ZCRB1: variants seen among roughly 807,000 people sequenced by gnomAD.
ZCRB1 encodes the protein zinc finger CCHC-type and RNA binding motif containing 1.
A neutral mutation model predicts 29.9 loss-of-function variants in ZCRB1; 21 were observed. The observed-to-expected ratio is 0.70, with a 90% CI of 0.50 to 1.01. The LOEUF is 1.01. Ranked by LOEUF, ZCRB1 falls within the 50% of genes least tolerant of loss-of-function variation. ZCRB1 has a pLI of 0.00. For synonymous variants in ZCRB1, 77 were observed against 80.0 expected, an observed-to-expected ratio of 0.96 and a Z score of 0.20; for missense variants, 204 against 253.3, an observed-to-expected ratio of 0.81 and a Z score of 1.32.
chr12:42,325,626 A>G (rs1231890099), intron 1 of ZCRB1: 4 of 152,228 alleles, frequency 2.6e-5, no homozygotes, highest in Admixed American at 6.5e-5. Flanking sequence ...ACCATCACAA[A>G]TGGAAAAATA....
chr12:42,316,068 G>T (rs181368408), intron 5 of ZCRB1, among the ~76,000 whole-genome samples: 1 of 151,916 alleles, frequency 6.6e-6, no homozygotes, highest in East Asian at 1.9e-4. Context: ...ACTACCTCTG[G>T]ACTCTGTTTT....
In ZCRB1 at chr12:42,317,440, C is replaced by T. The variant is rs2068600378; in HGVS notation, c.233G>A (p.Gly78Asp). 1 of 1,600,530 alleles carries T rather than the reference C, an allele frequency of 6.2e-7. No homozygotes were observed. Among genetic ancestry groups the T allele is most frequent in the Non-Finnish European group, 8.5e-7 (1 of 1,175,266 alleles). The change falls in exon 5 of 8, where the codon GGT becomes GAT. Residue 78 changes from glycine (G) to aspartate (D), a missense_variant. By Grantham distance (94) the Gly-to-Asp change is moderately conservative. Transcript: ENST00000266529. ...TRAINNKQLF[G>D]RVIKASIAID... ...AGCAATGCTTGCTTTTATCACTCTACCAAATAACTAAACAAGAGAAAAATG... is the reference window on the plus strand; with the variant it reads ...AGCAATGCTTGCTTTTATCACTCTATCAAATAACTAAACAAGAGAAAAATG...
In ZCRB1 at chr12:42,317,441, C is replaced by T. The variant is rs778378972; in HGVS notation, c.232G>A (p.Gly78Ser). Residue 78 changes from glycine (G) to serine (S), a missense_variant, in exon 5 of 8, where the codon GGT (glycine) becomes AGT (serine). Transcript: ENST00000266529. Reference sequence around the variant, plus strand: ...GCAATGCTTGCTTTTATCACTCTACCAAATAACTAAACAAGAGAAAAATGT... The same window carrying T: ...GCAATGCTTGCTTTTATCACTCTACTAAATAACTAAACAAGAGAAAAATGT... ...TRAINNKQLF[G>S]RVIKASIAID... 1 of 1,599,384 alleles carries T rather than the reference C, an allele frequency of 6.3e-7. No individual in the cohort carries two copies. The highest frequency in any genetic ancestry group is 8.5e-7 in the Non-Finnish European group (1 of 1,174,524).
intron 3 of ZCRB1, among the ~76,000 whole-genome samples, chr12:42,321,465 G>A (rs1241923258): frequency 6.6e-6 from 1 of 152,140 alleles, no homozygotes; most frequent in East Asian, 1.9e-4. Flanking sequence ...TACACATAAA[G>A]AGATTAGAAC....
At chr12:42,316,261 A>AT (rs1042466150) in intron 5 of ZCRB1, among the ~76,000 whole-genome samples, 39 of 148,382 alleles carry the variant, frequency 2.6e-4, no homozygotes, top group East Asian at 5.9e-4. Flanking sequence ...TGCCTGGCTA[A>AT]TTTTTTTTTT....
chr12:42,323,054 T>C (rs1316583457), intron 2 of ZCRB1, among the ~76,000 whole-genome samples: 1 of 152,236 alleles, frequency 6.6e-6, no homozygotes, highest in African/African-American at 2.4e-5. Flanking sequence ...CTTTATCCTA[T>C]GCAATCTCAT....
At chr12:42,320,640 G>A (rs988253991) in intron 3 of ZCRB1, among the ~76,000 whole-genome samples, 17 of 151,968 alleles carry the variant, frequency 1.1e-4, no homozygotes, top group African/African-American at 3.1e-4. Flanking sequence ...TAGAGATGGG[G>A]TTTCTCCATG....
intron 2 of ZCRB1, 143 bp from the exon 3 acceptor site, chr12:42,322,589 G>T: frequency 6.8e-6 from 5 of 732,030 alleles, no homozygotes; most frequent in South Asian, 2.9e-5. Context: ...CTAGGAAAAA[G>T]TTTTTTTTGG....
chr12:42,317,745 A>C (rs368470866), intron 4 of ZCRB1, 42 bp downstream of exon 4: 80 of 1,578,648 alleles, frequency 5.1e-5, no homozygotes, highest in Non-Finnish European at 6.6e-5. Context: ...ATGAGCATAA[A>C]GGCTTTGGGG....
chr12:42,322,356 A>C, intron 3 of ZCRB1, 62 bp downstream of exon 3: 1 of 1,386,174 alleles, frequency 7.2e-7, no homozygotes, highest in Non-Finnish European at 9.7e-7. Context: ...CATTAAAAAA[A>C]TGTAGAAGCA....
chr12:42,315,675 C>A (rs2068591438), intron 5 of ZCRB1, among the ~76,000 whole-genome samples: 1 of 151,926 alleles, frequency 6.6e-6, no homozygotes, highest in Admixed American at 6.6e-5. Flanking sequence ...CCAAAAGGAA[C>A]CGATTAACAG....
At chr12:42,319,525 T>C (rs1321550297) in intron 3 of ZCRB1, among the ~76,000 whole-genome samples, 1 of 152,210 alleles carries the variant, frequency 6.6e-6, no homozygotes, top group African/African-American at 2.4e-5. Flanking sequence ...ATGGCCTGTA[T>C]TTCCCCAAAT....
At chr12:42,313,242 T>C (rs1318745763) in intron 7 of ZCRB1, 44 bp from the exon 8 acceptor site, 5 of 1,567,514 alleles carry the variant, frequency 3.2e-6, no homozygotes, top group Non-Finnish European at 4.3e-6. Flanking sequence ...CTGTTTAATA[T>C]TATTTATGGT....
intron 3 of ZCRB1, among the ~76,000 whole-genome samples, chr12:42,321,865 T>C (rs1033937131): frequency 1.3e-5 from 2 of 152,194 alleles, no homozygotes; most frequent in Non-Finnish European, 2.9e-5. Flanking sequence ...AAGTTCTTTT[T>C]ATTGTTCCTA....
intron 2 of ZCRB1, 52 bp downstream of exon 2, chr12:42,323,967 G>T: frequency 6.8e-7 from 1 of 1,464,380 alleles, no homozygotes; most frequent in Non-Finnish European, 9.5e-7. Context: ...AGAACTATTT[G>T]CTTAAGGTTA....
At chr12:42,317,986 A>C (rs1295119577) in intron 3 of ZCRB1, 88 bp from the exon 4 acceptor site, 2 of 993,424 alleles carry the variant, frequency 2.0e-6, no homozygotes, top group Non-Finnish European at 3.0e-6. Context: ...AAAAGGGCTA[A>C]AAATTTATAA....
chr12:42,323,922 GAA>G (rs77153821), intron 2 of ZCRB1, 95 bp downstream of exon 2: 1,274 of 873,480 alleles, frequency 1.5e-3, no homozygotes, highest in Non-Finnish European at 1.5e-3. Flanking sequence ...CTCAAAAAAA[GAA>G]AAAAAAAAAA....
At chr12:42,313,282 C>T (rs2068578328) in intron 7 of ZCRB1, 84 bp from the exon 8 acceptor site, 1 of 1,413,652 alleles carries the variant, frequency 7.1e-7, no homozygotes, top group Non-Finnish European at 9.5e-7. Flanking sequence ...CAAAAACATA[C>T]CACAAATGCC....
chr12:42,325,339 T>C (rs1019931495), intron 1 of ZCRB1: 2 of 152,214 alleles, frequency 1.3e-5, no homozygotes, highest in African/African-American at 2.4e-5. Context: ...GGAGTAAATT[T>C]AAGCTTTATG....
Sources: gnomAD v4.1 joint callset for allele counts (sites outside exome capture counted in the v4.1 genomes callset) on GRCh38, gnomAD v4.1.1 for gene constraint, MANE v1.5 for transcripts, NCBI Gene and HGNC (gene_info 2026-07-23, HGNC 2026-07-21) for gene names.